The following CACNA1C variants were observed in gnomAD, a reference collection of about 807,000 sequenced individuals.
CACNA1C encodes the protein calcium voltage-gated channel subunit alpha1 C.
CACNA1C carries 30 observed loss-of-function variants against 229.0 expected under a neutral mutation model. The observed-to-expected ratio is 0.13, with a 90% CI of 0.10 to 0.18. The LOEUF is 0.18. Among genes scored for constraint, CACNA1C ranks in the 10% least tolerant of loss-of-function variants. CACNA1C has a pLI of 1.00. For missense variants in CACNA1C, 1,658 were observed against 2,845.0 expected (o/e 0.58, Z 9.49); for synonymous variants, 1,114 against 1,132.5 (o/e 0.98, Z 0.33).
At chr12:2,540,195 G>C (rs911626325) in intron 9 of CACNA1C, among the ~76,000 whole-genome samples, 2 of 152,194 alleles carry the variant, frequency 1.3e-5, no homozygotes, top group Non-Finnish European at 2.9e-5. Flanking sequence ...GGAGCACCAG[G>C]CCTGGGGAGA....
At chr12:2,041,294 T>TTTTTTTA (rs2050049588) in intron 1 of CACNA1C, among the ~76,000 whole-genome samples, 4 of 140,578 alleles carry the variant, frequency 2.8e-5, no homozygotes, top group Non-Finnish European at 4.5e-5. Context: ...TTTTTTTTTT[T>TTTTTTTA]GAGACGGAGT....
chr12:2,652,184 C>T (rs2095058445), intron 32 of CACNA1C, among the ~76,000 whole-genome samples: 1 of 152,198 alleles, frequency 6.6e-6, no homozygotes, highest in Non-Finnish European at 1.5e-5. Flanking sequence ...GGCCATCGCC[C>T]TCCTCCCCGT....
chr12:2,522,679 A>T (rs944135904), intron 9 of CACNA1C, among the ~76,000 whole-genome samples: 1 of 152,004 alleles, frequency 6.6e-6, no homozygotes, highest in Non-Finnish European at 1.5e-5. Context: ...TTAGATTCTG[A>T]GTTTGGATCA....
At position 2,162,761 on chromosome 12, in the gene CACNA1C, T is replaced by C. The variant is rs991929735; in HGVS notation, c.477+42331T>C. 2.6e-5 allele frequency among the ~76,000 whole-genome samples: 4 copies of C among 152,264 alleles called. No individual in the cohort carries two copies. In the East Asian group the frequency reaches 7.8e-4, roughly 30 times the overall value. On this transcript the variant is annotated intron_variant, in intron 3 of 46. Coordinates refer to ENST00000399655, the MANE Select transcript of CACNA1C (RefSeq NM_000719.7). The stretch of plus-strand genomic sequence containing the variant: ...CCCATAGTGATGTTACCATCAGTAG[T>C]GGCTTTGCCGTTTCCAGATTGACAT...
intron 3 of CACNA1C, among the ~76,000 whole-genome samples, chr12:2,309,690 A>T (rs892041564): frequency 2.0e-5 from 3 of 152,240 alleles, no homozygotes; most frequent in African/African-American, 7.2e-5. Context: ...GTAAAAATAT[A>T]AATAAAAGTA....
chr12:2,282,703 T>C (rs1273550500), intron 3 of CACNA1C, among the ~76,000 whole-genome samples: 1 of 152,192 alleles, frequency 6.6e-6, no homozygotes, highest in Non-Finnish European at 1.5e-5. Flanking sequence ...GCAGAATCTT[T>C]AGCTTTCTTC....
At chr12:2,246,700 C>T (rs909291833) in intron 3 of CACNA1C, among the ~76,000 whole-genome samples, 27 of 152,170 alleles carry the variant, frequency 1.8e-4, no homozygotes, top group African/African-American at 6.3e-4. Context: ...CTCTTAACTG[C>T]TACGCTCTGT....
At chr12:2,323,777 TGGAGGCTGCGTAGGGCATTGTG>T (rs1373377582) in intron 3 of CACNA1C, among the ~76,000 whole-genome samples, 1 of 151,826 alleles carries the variant, frequency 6.6e-6, no homozygotes, top group East Asian at 1.9e-4. Flanking sequence ...GTGGGTCTAA[TGGAGGCTGCGTAGGGCATTGTG>T]GGAGTCCGTG....
chr12:2,160,576 G>A (rs1187191718), intron 3 of CACNA1C, among the ~76,000 whole-genome samples: 1 of 152,196 alleles, frequency 6.6e-6, no homozygotes, highest in Non-Finnish European at 1.5e-5. Flanking sequence ...GAAAATACAG[G>A]TGTCCCTAAG....
At chr12:2,412,554 C>T (rs1263059988) in intron 3 of CACNA1C, among the ~76,000 whole-genome samples, 1 of 152,222 alleles carries the variant, frequency 6.6e-6, no homozygotes, top group Non-Finnish European at 1.5e-5. Context: ...CGGGAGAAAG[C>T]ACATTGAGCT....
Position 2,108,082 on chromosome 12 carries a change from A to G in CACNA1C, c.50-7142A>G, listed in dbSNP as rs187133990. Among the ~76,000 whole-genome samples the G allele has an allele frequency of 2.3e-3, 349 of 152,336 alleles. 4 individuals are homozygous for G. Among genetic ancestry groups the G allele is most frequent in the African/African-American group, 8.0e-3 (333 of 41,576 alleles). ...TAGCAAGGGCTCCGTAATCCAGCCT[A>G]GGATTATAGAGCATTTCTATTACTG... On this transcript the variant is annotated intron_variant, in intron 1 of 46. Transcript: ENST00000399655. This position sits in a 1 kb window ranked among gnomAD's most constrained non-coding sequence, Gnocchi z 5.3.
At chr12:2,251,102 A>G (rs889028072) in intron 3 of CACNA1C, among the ~76,000 whole-genome samples, 4 of 152,246 alleles carry the variant, frequency 2.6e-5, no homozygotes, top group African/African-American at 9.6e-5. Flanking sequence ...GTGTCTGCTC[A>G]TATGAATACT....
intron 29 of CACNA1C, among the ~76,000 whole-genome samples, chr12:2,623,512 T>A (rs890997249): frequency 2.0e-5 from 3 of 152,202 alleles, no homozygotes; most frequent in Non-Finnish European, 4.4e-5. Flanking sequence ...GAGATCAGCC[T>A]GGCTAGAAGT....
intron 1 of CACNA1C, among the ~76,000 whole-genome samples, chr12:2,003,456 G>A (rs2042650961): frequency 6.6e-6 from 1 of 152,180 alleles, no homozygotes; most frequent in Non-Finnish European, 1.5e-5. Context: ...AACTCATTAT[G>A]AGTAAAGAAA....
chr12:2,483,698 C>T (rs2099685903), intron 5 of CACNA1C, among the ~76,000 whole-genome samples: 2 of 152,034 alleles, frequency 1.3e-5, no homozygotes, highest in African/African-American at 2.4e-5. Context: ...TCTGGGTGCT[C>T]AGGTGAGTGG....
intron 1 of CACNA1C, among the ~76,000 whole-genome samples, chr12:2,024,182 CAGAATGATATACAGGA>C (rs1322200890): frequency 4.6e-5 from 7 of 152,306 alleles, no homozygotes; most frequent in African/African-American, 1.2e-4. Flanking sequence ...AGCCCTGTGG[CAGAATGATATACAGGA>C]AAACCTGAGG....
At chr12:2,351,043 C>T (rs2097188543) in intron 3 of CACNA1C, among the ~76,000 whole-genome samples, 1 of 152,258 alleles carries the variant, frequency 6.6e-6, no homozygotes, top group Admixed American at 6.5e-5. Flanking sequence ...CCTCGGGCCC[C>T]TTCTGAAGGC....
intron 9 of CACNA1C, among the ~76,000 whole-genome samples, chr12:2,529,282 C>A (rs192675672): frequency 1.6e-3 from 246 of 152,342 alleles, no homozygotes; most frequent in African/African-American, 4.6e-3. Flanking sequence ...CCCGCTCCTT[C>A]ATGCTCCCAG....
intron 1 of CACNA1C, among the ~76,000 whole-genome samples, chr12:2,104,465 T>G (rs1382239444): frequency 6.6e-6 from 1 of 152,236 alleles, no homozygotes; most frequent in Non-Finnish European, 1.5e-5. Flanking sequence ...TTAAGGAGAT[T>G]TGGGGCTGAG....
Sources: allele counts gnomAD v4.1 joint callset (sites outside exome capture counted in the v4.1 genomes callset), GRCh38; gene constraint gnomAD v4.1.1; non-coding constraint Gnocchi (gnomAD v3.1); transcripts MANE v1.5; gene names NCBI Gene and HGNC (gene_info 2026-07-23, HGNC 2026-07-21).